Variants in SGMS1 observed in about 807,000 individuals in gnomAD.
SGMS1 encodes phosphatidylcholine:ceramide cholinephosphotransferase 1.
In SGMS1, 13 loss-of-function variants were observed where a neutral mutation model predicts 46.2. The ratio of observed to expected loss-of-function variants is 0.28; its 90% confidence interval spans 0.18 to 0.45. The LOEUF (loss-of-function observed/expected upper bound fraction) is 0.45, where lower values mean the gene tolerates loss of function less well. Ranked by LOEUF, SGMS1 falls within the 20% of genes least tolerant of loss-of-function variation. SGMS1 has a pLI of 1.00. For synonymous variants in SGMS1, 203 were observed against 187.8 expected (o/e 1.08, Z -0.66); for missense variants, 324 against 519.9 (o/e 0.62, Z 3.66).
At chr10:50,477,370 G>A (rs1284438462) in intron 3 of SGMS1, among the ~76,000 whole-genome samples, 1 of 152,248 alleles carries the variant, frequency 6.6e-6, no homozygotes, top group Non-Finnish European at 1.5e-5. Context: ...CCCAATGCCT[G>A]TACTCCCATT....
At chr10:50,354,072 C>T (rs1299873939) in intron 6 of SGMS1, among the ~76,000 whole-genome samples, 41 of 150,812 alleles carry the variant, frequency 2.7e-4, no homozygotes, top group African/African-American at 8.6e-4. Flanking sequence ...ACTTTCTTCA[C>T]AGAATTGGAA....
Position 50,503,690 on chromosome 10 carries a change from G to A in SGMS1, c.-498+16141C>T, listed in dbSNP as rs371730851. On this transcript the variant is annotated intron_variant, in intron 3 of 10. Coordinates refer to ENST00000361781, the MANE Select transcript of SGMS1 (RefSeq NM_147156.4). ...AGCCTGTTTGGTGGTCTCTTCACACGGATATGAGTGAAAGTTCCCAGCTCG... is the reference window on the plus strand; with the variant it reads ...AGCCTGTTTGGTGGTCTCTTCACACAGATATGAGTGAAAGTTCCCAGCTCG... Among the ~76,000 whole-genome samples the A allele has an allele frequency of 1.2e-3, 183 of 152,270 alleles. 1 individual carries two copies. Among genetic ancestry groups the A allele is most frequent in the African/African-American group, 3.9e-3 (162 of 41,556 alleles).
chr10:50,340,507 A>G (rs1847800097), intron 7 of SGMS1: 1 of 152,184 alleles, frequency 6.6e-6, no homozygotes, highest in Admixed American at 6.5e-5. Context: ...AAAAACCAAA[A>G]AAGTTCTCAA....
intron 6 of SGMS1, among the ~76,000 whole-genome samples, chr10:50,376,505 C>T (rs145171420): frequency 0.015 from 2,279 of 152,210 alleles, 60 homozygotes; most frequent in African/African-American, 0.052. Flanking sequence ...CATATGTATA[C>T]ACGTGCCATG....
intron 2 of SGMS1, among the ~76,000 whole-genome samples, chr10:50,567,265 G>C (rs144663520): frequency 1.3e-5 from 2 of 152,124 alleles, no homozygotes; most frequent in African/African-American, 4.8e-5. Flanking sequence ...TTTTTATTGT[G>C]GTATTGCTAT....
At chr10:50,599,671 T>C in intron 1 of SGMS1, among the ~76,000 whole-genome samples, 1 of 152,152 alleles carries the variant, frequency 6.6e-6, no homozygotes, top group Non-Finnish European at 1.5e-5. Context: ...GAGACCAGCC[T>C]GGCCAACATA....
chr10:50,623,366 C>G (rs1838874959), intron 1 of SGMS1, among the ~76,000 whole-genome samples: 1 of 152,164 alleles, frequency 6.6e-6, no homozygotes, highest in Non-Finnish European at 1.5e-5. Context: ...CGACACCAGG[C>G]AGCCTTCCAG....
intron 6 of SGMS1, among the ~76,000 whole-genome samples, chr10:50,372,859 C>A (rs956211839): frequency 3.9e-5 from 6 of 151,984 alleles, no homozygotes; most frequent in Non-Finnish European, 8.8e-5. Flanking sequence ...AATCAGTCAA[C>A]CTTAAGAGAA....
intron 2 of SGMS1, among the ~76,000 whole-genome samples, chr10:50,566,946 T>TGTC (rs776281510): frequency 2.6e-5 from 4 of 152,156 alleles, no homozygotes; most frequent in Non-Finnish European, 5.9e-5. Flanking sequence ...TTGTTGTTGT[T>TGTC]GTCGTTGTTG....
intron 6 of SGMS1, among the ~76,000 whole-genome samples, chr10:50,399,432 G>A (rs1271325616): frequency 6.6e-6 from 1 of 152,160 alleles, no homozygotes; most frequent in Non-Finnish European, 1.5e-5. Flanking sequence ...TGAAAGTGGT[G>A]CACTGAAATT....
At chr10:50,430,843 C>T (rs1849396458) in intron 6 of SGMS1, among the ~76,000 whole-genome samples, 1 of 151,920 alleles carries the variant, frequency 6.6e-6, no homozygotes, top group South Asian at 2.1e-4. Flanking sequence ...CTTATTTGTA[C>T]TGAAATGTAT....
At chr10:50,613,346 T>C (rs1838767518) in intron 1 of SGMS1, among the ~76,000 whole-genome samples, 1 of 152,194 alleles carries the variant, frequency 6.6e-6, no homozygotes, top group Non-Finnish European at 1.5e-5. Context: ...TCTGTGGACA[T>C]GTCTGTCTCC....
intron 6 of SGMS1, among the ~76,000 whole-genome samples, chr10:50,373,323 C>G (rs1309436661): frequency 1.3e-5 from 2 of 152,216 alleles, no homozygotes; most frequent in African/African-American, 4.8e-5. Flanking sequence ...CCTTCCCAAA[C>G]AGGTCCTACG....
chr10:50,581,250 G>A (rs1838431469), intron 2 of SGMS1, among the ~76,000 whole-genome samples: 1 of 152,206 alleles, frequency 6.6e-6, no homozygotes, highest in Admixed American at 6.5e-5. Context: ...TGCAGCCAGT[G>A]GTAGAGACCC....
At chr10:50,429,277 C>G (rs904919223) in intron 6 of SGMS1, among the ~76,000 whole-genome samples, 1 of 152,186 alleles carries the variant, frequency 6.6e-6, no homozygotes, top group Admixed American at 6.5e-5. Flanking sequence ...CTATACTTTT[C>G]TATGTTTAGA....
Position 50,340,713 on chromosome 10 carries a change from CA to C in SGMS1, c.623+2778del, listed in dbSNP as rs1207387154. Reference sequence around the variant, plus strand: ...ATTTTATACAACATAAAGATAGAACCAAATGTCACAATGTCACAAATTCAAG... The same window carrying C: ...ATTTTATACAACATAAAGATAGAACCAATGTCACAATGTCACAAATTCAAG... On this transcript the variant is annotated intron_variant, in intron 7 of 10. Coordinates refer to ENST00000361781, the MANE Select transcript of SGMS1 (RefSeq NM_147156.4). The C allele has an allele frequency of 2.6e-5, 4 of 152,284 alleles. No homozygotes were observed. The East Asian group carries it at 7.7e-4, about 29-fold the overall frequency. The allele number at this position is 152,284 out of a possible 1,614,324, so 9.4% of individuals were successfully genotyped here.
At chr10:50,603,085 G>A (rs1838663004) in intron 1 of SGMS1, among the ~76,000 whole-genome samples, 1 of 152,180 alleles carries the variant, frequency 6.6e-6, no homozygotes, top group African/African-American at 2.4e-5. Flanking sequence ...TAAAATACCA[G>A]AAAAACATAA....
At chr10:50,516,520 G>A (rs1323414040) in intron 3 of SGMS1, among the ~76,000 whole-genome samples, 2 of 152,172 alleles carry the variant, frequency 1.3e-5, no homozygotes, top group African/African-American at 2.4e-5. Flanking sequence ...CTGTTCTAAT[G>A]AGTTATTCCA....
At chr10:50,587,431 G>A (rs1312230935) in intron 2 of SGMS1, among the ~76,000 whole-genome samples, 18 of 152,134 alleles carry the variant, frequency 1.2e-4, no homozygotes, top group African/African-American at 2.9e-4. Flanking sequence ...TCAGGAGTTC[G>A]AGACCAGCCT....
Sources: gnomAD v4.1 joint callset for allele counts (sites outside exome capture counted in the v4.1 genomes callset) on GRCh38, gnomAD v4.1.1 for gene constraint, MANE v1.5 for transcripts, NCBI Gene and HGNC (gene_info 2026-07-23, HGNC 2026-07-21) for gene names.